The following PID1 variants were observed in gnomAD, a reference collection of about 807,000 sequenced individuals.
PID1 encodes the protein phosphotyrosine interaction domain containing 1.
PID1 carries 10 observed loss-of-function variants against 19.1 expected under a neutral mutation model. The observed-to-expected ratio is 0.52, with a 90% confidence interval of 0.32 to 0.89. The LOEUF (loss-of-function observed/expected upper bound fraction) is 0.89. Among genes scored for constraint, PID1 ranks in the 40% least tolerant of loss-of-function variants. The probability of loss-of-function intolerance (pLI) is 0.03; values close to 1 mark genes in which losing one functional copy is unlikely to be tolerated. For missense variants in PID1, 248 were observed against 285.3 expected, an observed-to-expected ratio of 0.87 and a Z score of 0.94; for synonymous variants, 130 against 116.0, an observed-to-expected ratio of 1.12 and a Z score of -0.78.
chr2:229,099,421 C>A (rs1048063498), intron 2 of PID1, among the ~76,000 whole-genome samples: 1 of 152,130 alleles, frequency 6.6e-6, no homozygotes, highest in Non-Finnish European at 1.5e-5. Context: ...AAACTCAGTA[C>A]CAGAAGGCAG....
chr2:229,231,691 C>T (rs1367483089), intron 1 of PID1, among the ~76,000 whole-genome samples: 1 of 152,130 alleles, frequency 6.6e-6, no homozygotes, highest in Non-Finnish European at 1.5e-5. Context: ...CAGAAGAACA[C>T]TCTCTCAGCT....
chr2:229,127,293 T>G (rs1695642129), intron 2 of PID1, among the ~76,000 whole-genome samples: 1 of 152,228 alleles, frequency 6.6e-6, no homozygotes, highest in Admixed American at 6.5e-5. Context: ...TATCTACTTA[T>G]GATTATTCCT....
chr2:229,265,623 A>G (rs1407383048), intron 1 of PID1, among the ~76,000 whole-genome samples: 1 of 152,208 alleles, frequency 6.6e-6, no homozygotes, highest in Non-Finnish European at 1.5e-5. Context: ...TTGTGTCCAC[A>G]GGGCTGAAAG....
At chr2:229,048,964 C>T (rs1001443120) in intron 2 of PID1, among the ~76,000 whole-genome samples, 1 of 152,076 alleles carries the variant, frequency 6.6e-6, no homozygotes, top group Non-Finnish European at 1.5e-5. Flanking sequence ...AGAGAGGATT[C>T]ATCACTTTCA....
intron 1 of PID1, among the ~76,000 whole-genome samples, chr2:229,222,668 G>C (rs954579791): frequency 6.6e-6 from 1 of 152,140 alleles, no homozygotes; most frequent in Non-Finnish European, 1.5e-5. Context: ...TTGAAGGCAT[G>C]AATAGAATGC....
chr2:229,182,551 T>C (rs1690967734), intron 1 of PID1, among the ~76,000 whole-genome samples: 1 of 152,176 alleles, frequency 6.6e-6, no homozygotes, highest in Non-Finnish European at 1.5e-5. Flanking sequence ...GTTTTTCAGC[T>C]GAAGGCCACG....
At chr2:229,208,775 C>T (rs1229891365) in intron 1 of PID1, among the ~76,000 whole-genome samples, 4 of 151,794 alleles carry the variant, frequency 2.6e-5, no homozygotes, top group Non-Finnish European at 5.9e-5. Flanking sequence ...GAGAGAGGGA[C>T]GGAGGAGGCA....
rs566720107 is a variant in PID1 at position 229,219,761 on chromosome 2, T to A, written c.30+51253A>T. Among the ~76,000 whole-genome samples, 17 of 152,010 alleles carry A rather than the reference T, an allele frequency of 1.1e-4. No individual in the cohort carries two copies. The South Asian group carries it at 3.3e-3, about 30-fold the overall frequency. Reference sequence around the variant, plus strand: ...AATAAGTTCTACTGGCCTCAAATGATCCTCCCACCTGGACCTCTCAAAGCA... The same window carrying A: ...AATAAGTTCTACTGGCCTCAAATGAACCTCCCACCTGGACCTCTCAAAGCA... On this transcript the variant is annotated intron_variant, in intron 1 of 2. Coordinates refer to ENST00000392055, the MANE Select transcript of PID1 (RefSeq NM_001100818.2).
chr2:229,038,300 T>A (rs1292175706), intron 2 of PID1, among the ~76,000 whole-genome samples: 1 of 152,186 alleles, frequency 6.6e-6, no homozygotes, highest in African/African-American at 2.4e-5. Flanking sequence ...TTTCATCAGA[T>A]AAATGGTTAA....
intron 1 of PID1, among the ~76,000 whole-genome samples, chr2:229,219,617 TCAAACTCCTAGGC>T (rs1490917328): frequency 1.2e-4 from 18 of 152,150 alleles, no homozygotes; most frequent in Admixed American, 2.0e-4. Context: ...CATTGCAGCT[TCAAACTCCTAGGC>T]TCAAGTGATC....
chr2:229,028,342 G>T (rs753123850), intron 2 of PID1, among the ~76,000 whole-genome samples: 1 of 152,252 alleles, frequency 6.6e-6, no homozygotes, highest in East Asian at 1.9e-4. Flanking sequence ...ATCAAAGTTC[G>T]TGTAAATTGA....
intron 1 of PID1, among the ~76,000 whole-genome samples, chr2:229,232,430 T>TAA (rs1692230009): frequency 2.7e-3 from 2 of 748 alleles, no homozygotes; most frequent in South Asian, 0.031. Flanking sequence ...AGACTCCATC[T>TAA]CAAAAAAAAA....
chr2:229,100,199 G>A (rs775029793), intron 2 of PID1, among the ~76,000 whole-genome samples: 3 of 152,112 alleles, frequency 2.0e-5, no homozygotes, highest in Non-Finnish European at 4.4e-5. Flanking sequence ...TGTTTAAGCC[G>A]CTCCATCTAT....
chr2:229,263,290 G>A (rs1350553047), intron 1 of PID1, among the ~76,000 whole-genome samples: 1 of 152,156 alleles, frequency 6.6e-6, no homozygotes, highest in African/African-American at 2.4e-5. Flanking sequence ...CTTCTTAGTG[G>A]ACTGGTTTTA....
At chr2:229,122,890 G>A (rs537741772) in intron 2 of PID1, among the ~76,000 whole-genome samples, 13 of 152,226 alleles carry the variant, frequency 8.5e-5, no homozygotes, top group African/African-American at 3.1e-4. Context: ...ACAGATACTG[G>A]AACCCGCTGT....
chr2:229,175,941 T>A (rs1187461084), intron 1 of PID1, among the ~76,000 whole-genome samples: 1 of 152,128 alleles, frequency 6.6e-6, no homozygotes, highest in Non-Finnish European at 1.5e-5. Context: ...GACTTCACCA[T>A]CCCCACGGCT....
intron 2 of PID1, among the ~76,000 whole-genome samples, chr2:229,108,083 A>T (rs1158799696): frequency 7.7e-6 from 1 of 129,302 alleles, no homozygotes; most frequent in Non-Finnish European, 1.9e-5. Flanking sequence ...CTTGAAATTT[A>T]AAACAAGAAA....
At chr2:229,058,681 C>T (rs951255471) in intron 2 of PID1, among the ~76,000 whole-genome samples, 8 of 142,670 alleles carry the variant, frequency 5.6e-5, no homozygotes, top group East Asian at 4.2e-4. Context: ...AATAAATTTG[C>T]GTTTGATCAC....
intron 1 of PID1, among the ~76,000 whole-genome samples, chr2:229,255,303 G>A (rs189296913): frequency 4.4e-4 from 67 of 152,280 alleles, no homozygotes; most frequent in African/African-American, 1.6e-3. Flanking sequence ...TCAGAATCCT[G>A]TAACTGCAGG....
Sources: gnomAD v4.1 joint callset for allele counts (sites outside exome capture counted in the v4.1 genomes callset) on GRCh38, gnomAD v4.1.1 for gene constraint, MANE v1.5 for transcripts, NCBI Gene and HGNC (gene_info 2026-07-23, HGNC 2026-07-21) for gene names.